The following CD99L2 variants were observed in gnomAD, a reference collection of about 807,000 sequenced individuals.
CD99L2 encodes CD99 molecule like 2.
A neutral mutation model predicts 27.3 loss-of-function variants in CD99L2; 24 were observed. The observed-to-expected ratio is 0.88, with a 90% confidence interval of 0.64 to 1.24. CD99L2 has a LOEUF of 1.24. CD99L2 is among the 50% of genes most tolerant of loss of function. The pLI, the probability that CD99L2 is intolerant of heterozygous loss-of-function variation, is 0.00. For missense variants in CD99L2, 255 were observed against 221.6 expected (o/e 1.15, Z -0.96); for synonymous variants, 97 against 87.9 (o/e 1.10, Z -0.58).
rs375886656 is a variant in CD99L2, at chrX:150,795,410, C to T, written c.346+8G>A. The T allele has an allele frequency of 2.4e-5, 29 of 1,209,560 alleles. No homozygotes were observed. Among genetic ancestry groups the T allele is most frequent in the Non-Finnish European group, 3.1e-5 (28 of 894,974 alleles). Reference sequence around the variant, plus strand: ...GCCTTACTACTCTCCTCAGAGCGGCCACCTTACCTAAAGTATTTGCTGGAG... The same window carrying T: ...GCCTTACTACTCTCCTCAGAGCGGCTACCTTACCTAAAGTATTTGCTGGAG... On this transcript the variant is annotated splice_region_variant and intron_variant, in intron 5 of 10. Coordinates refer to ENST00000370377, the MANE Select transcript of CD99L2 (RefSeq NM_031462.4).
chrX:150,890,636 A>G (rs1461618395), intron 1 of CD99L2, among the ~76,000 whole-genome samples: 12 of 105,362 alleles, frequency 1.1e-4, no homozygotes, highest in African/African-American at 4.2e-4. Flanking sequence ...CTTGAGAGAG[A>G]GGGAATGGAC....
intron 1 of CD99L2, among the ~76,000 whole-genome samples, chrX:150,879,925 C>CAAAAA (rs782555339): frequency 1.5e-4 from 4 of 27,318 alleles, no homozygotes; most frequent in Admixed American, 9.7e-4. Context: ...ACCCTGTCTC[C>CAAAAA]AAAAAAAAAA....
intron 4 of CD99L2, among the ~76,000 whole-genome samples, chrX:150,804,217 C>A (rs1402818843): frequency 8.9e-6 from 1 of 112,110 alleles, no homozygotes; most frequent in Non-Finnish European, 1.9e-5. Context: ...GTGTCTTTTC[C>A]ACCCACAATG....
rs2045487313 is a variant in CD99L2 at position 150,780,265 on chromosome X, G to T, written c.497-2783C>A. Among the ~76,000 whole-genome samples the T allele has an allele frequency of 2.7e-5, 3 of 111,695 alleles. No individual in the cohort carries two copies. The South Asian group carries it at 1.1e-3, about 42-fold the overall frequency. On this transcript the variant is annotated intron_variant, in intron 7 of 10. Coordinates refer to ENST00000370377, the MANE Select transcript of CD99L2 (RefSeq NM_031462.4). ...ATAATCCAAAAAAAGAAAAAGGAAA[G>T]AAGACAAGGGGAAGGGAGAGAGGGA...
chrX:150,773,209 C>G (rs2043491276), intron 9 of CD99L2, among the ~76,000 whole-genome samples: 1 of 112,216 alleles, frequency 8.9e-6, no homozygotes, highest in Admixed American at 9.4e-5. Flanking sequence ...GATGGGGAAA[C>G]TGAGGGCCCA....
At chrX:150,898,059 C>G (rs1359712297) in intron 1 of CD99L2, among the ~76,000 whole-genome samples, 3 of 22,427 alleles carry the variant, frequency 1.3e-4, no homozygotes, top group Non-Finnish European at 3.6e-4. Flanking sequence ...CGCTGACCCC[C>G]CCCCCCCCCC....
Position 150,882,969 on chromosome X carries a change from C to T in CD99L2, c.67+15553G>A, listed in dbSNP as rs185789752. Among the ~76,000 whole-genome samples, 848 of 110,951 alleles carry T rather than the reference C, an allele frequency of 7.6e-3. 7 individuals are homozygous for T. Among genetic ancestry groups the T allele is most frequent in the African/African-American group, 0.026 (803 of 30,448 alleles). On this transcript the variant is annotated intron_variant, in intron 1 of 10. Transcript: ENST00000370377. ...GGCGGATCACCTGAGGTCAGGAGTT[C>T]GAGACCAGCCTGACCAACATGGCGA...
At chrX:150,859,507 T>C (rs1317267117) in intron 1 of CD99L2, among the ~76,000 whole-genome samples, 1 of 98,726 alleles carries the variant, frequency 1.0e-5, no homozygotes, top group Non-Finnish European at 2.0e-5. Context: ...CTCTTTTTTT[T>C]TTTTTTTGAG....
intron 1 of CD99L2, among the ~76,000 whole-genome samples, chrX:150,861,729 C>T (rs192401079): frequency 2.6e-3 from 289 of 109,652 alleles, no homozygotes; most frequent in African/African-American, 8.5e-3. Flanking sequence ...GGTGAAACCC[C>T]GTCTCTACTA....
chrX:150,831,075 C>G (rs1057084116), intron 2 of CD99L2, among the ~76,000 whole-genome samples, 156 bp downstream of exon 2: 16 of 111,704 alleles, frequency 1.4e-4, no homozygotes, highest in African/African-American at 4.5e-4. Context: ...TCCCAAATTG[C>G]TGGGATTACA....
At chrX:150,799,451 T>C (rs1295222297) in intron 4 of CD99L2, among the ~76,000 whole-genome samples, 4 of 107,382 alleles carry the variant, frequency 3.7e-5, no homozygotes, top group Admixed American at 9.9e-5. Context: ...GAGATGGAGG[T>C]TGCAGTAAGC....
At chrX:150,799,335 C>CA (rs368884708) in intron 4 of CD99L2, among the ~76,000 whole-genome samples, 1,183 of 89,749 alleles carry the variant, frequency 0.013, 14 homozygotes, top group Non-Finnish European at 0.016. Context: ...CTGTCTCTAC[C>CA]AAAAAAAAAA....
chrX:150,878,501 C>T (rs2047269077), intron 1 of CD99L2, among the ~76,000 whole-genome samples: 1 of 100,774 alleles, frequency 9.9e-6, no homozygotes. Flanking sequence ...TATAGAGAGA[C>T]CTTGAATTTG....
At chrX:150,849,954 T>G (rs1557421560) in intron 1 of CD99L2, among the ~76,000 whole-genome samples, 1 of 111,479 alleles carries the variant, frequency 9.0e-6, no homozygotes, top group East Asian at 2.8e-4. Context: ...CTATATAATA[T>G]AAATTAAATA....
Position 150,898,642 on chromosome X carries a change from G to T in CD99L2, c.-54C>A. On this transcript the variant is annotated 5_prime_UTR_variant, in exon 1 of 11. Coordinates refer to ENST00000370377, the MANE Select transcript of CD99L2 (RefSeq NM_031462.4). ...GAGCACAGTTAGCGCGAGAGCGCCC[G>T]AAGGGGAGGCCGAGGAGGAGCGGGA... The T allele has an allele frequency of 9.7e-7, 1 of 1,031,226 alleles. No homozygotes were observed. The highest frequency in any genetic ancestry group is 2.3e-5 in the South Asian group (1 of 42,952). The allele number at this position is 1,031,226 out of a possible 1,213,427, so 85.0% of individuals were successfully genotyped here.
chrX:150,833,324 A>C (rs1409267069), intron 1 of CD99L2, among the ~76,000 whole-genome samples: 3 of 111,742 alleles, frequency 2.7e-5, no homozygotes, highest in African/African-American at 9.8e-5. Context: ...AAAAACACAA[A>C]TGAAAATATA....
intron 1 of CD99L2, among the ~76,000 whole-genome samples, chrX:150,846,106 C>T (rs1456430253): frequency 1.8e-5 from 2 of 112,341 alleles, no homozygotes; most frequent in African/African-American, 6.5e-5. Flanking sequence ...GCAGGAGAAT[C>T]GCTTGAACCC....
intron 1 of CD99L2, among the ~76,000 whole-genome samples, chrX:150,884,779 G>A (rs975374328): frequency 2.7e-5 from 3 of 112,187 alleles, no homozygotes; most frequent in Non-Finnish European, 5.6e-5. Context: ...AGCACAGTGT[G>A]AGAACCTCTG....
At chrX:150,829,987 T>G (rs2124233255) in intron 2 of CD99L2, among the ~76,000 whole-genome samples, 1 of 109,734 alleles carries the variant, frequency 9.1e-6, no homozygotes, top group South Asian at 4.0e-4. Context: ...TGAAATCCCC[T>G]CTACTAACAT....
Sources: gnomAD v4.1 joint callset for allele counts (sites outside exome capture counted in the v4.1 genomes callset) on GRCh38, gnomAD v4.1.1 for gene constraint, MANE v1.5 for transcripts, NCBI Gene and HGNC (gene_info 2026-07-23, HGNC 2026-07-21) for gene names.